The following APBB2 variants were observed in gnomAD, a reference collection of about 807,000 sequenced individuals.
APBB2 encodes amyloid beta precursor protein binding family B member 2, also known as Fe65-like 1.
A neutral mutation model predicts 82.5 loss-of-function variants in APBB2; 38 were observed. The ratio of observed to expected loss-of-function variants is 0.46; its 90% CI spans 0.36 to 0.60. The LOEUF (loss-of-function observed/expected upper bound fraction) is 0.60, where lower values mean the gene tolerates loss of function less well. Ranked by LOEUF, APBB2 falls within the 20% of genes least tolerant of loss-of-function variation. The probability of loss-of-function intolerance (pLI) is 0.00; values close to 1 mark genes in which losing one functional copy is unlikely to be tolerated. For synonymous variants in APBB2, 341 were observed against 368.2 expected, an observed-to-expected ratio of 0.93 and a Z score of 0.85; for missense variants, 772 against 972.3, an observed-to-expected ratio of 0.79 and a Z score of 2.74.
rs1165490812 is a variant in APBB2, at chr4:40,911,511, G to C, written c.1255-18100C>G. Among the ~76,000 whole-genome samples, 3 of 152,136 alleles carry C rather than the reference G, an allele frequency of 2.0e-5. No homozygotes were observed. The East Asian group carries it at 5.8e-4, about 29-fold the overall frequency. On this transcript the variant is annotated intron_variant, in intron 10 of 17. Transcript: ENST00000508593. ...TCATATAAAATATCGATTCAGTCGG[G>C]GGACCTAGAGTCAGGTAACATGTCC...
chr4:40,851,734 ATATATTTTTTTT>A (rs765501671), intron 12 of APBB2, among the ~76,000 whole-genome samples: 47 of 61,018 alleles, frequency 7.7e-4, no homozygotes, highest in South Asian at 1.4e-3. Flanking sequence ...ATATATATAT[ATATATTTTTTTT>A]TTTTTTTTTT....
At chr4:40,975,788 AC>A (rs1361956225) in intron 6 of APBB2, among the ~76,000 whole-genome samples, 22 of 146,698 alleles carry the variant, frequency 1.5e-4, no homozygotes, top group East Asian at 5.8e-4. Context: ...ACACACACAC[AC>A]AACAACCACT....
At chr4:41,195,907 T>C in intron 1 of APBB2, among the ~76,000 whole-genome samples, 2 of 152,170 alleles carry the variant, frequency 1.3e-5, no homozygotes, top group African/African-American at 2.4e-5. Context: ...ATGCCTGTAA[T>C]CCCAGCACTT....
intron 2 of APBB2, among the ~76,000 whole-genome samples, chr4:41,131,398 T>A (rs973327281): frequency 2.0e-5 from 3 of 152,214 alleles, no homozygotes; most frequent in African/African-American, 7.2e-5. Flanking sequence ...ATTTATGATA[T>A]CAACTGACAA....
chr4:40,857,255 C>G, intron 12 of APBB2: 1 of 866,182 alleles, frequency 1.2e-6, no homozygotes, highest in Non-Finnish European at 1.4e-6. Context: ...CCCACCCGGC[C>G]GCACTCCCGT....
intron 6 of APBB2, among the ~76,000 whole-genome samples, chr4:41,009,743 G>T (rs1001341858): frequency 1.3e-5 from 2 of 151,920 alleles, no homozygotes; most frequent in African/African-American, 4.8e-5. Context: ...ATGTACTATG[G>T]CATGGCATAC....
At chr4:41,161,796 G>A (rs1046258196) in intron 1 of APBB2, among the ~76,000 whole-genome samples, 1 of 152,218 alleles carries the variant, frequency 6.6e-6, no homozygotes, top group African/African-American at 2.4e-5. Context: ...AAATTCCAGT[G>A]TAAAGTTCTT....
At chr4:40,958,280 A>C (rs1560384835) in intron 6 of APBB2, among the ~76,000 whole-genome samples, 1 of 152,206 alleles carries the variant, frequency 6.6e-6, no homozygotes, top group Non-Finnish European at 1.5e-5. Context: ...CTTGAGATGA[A>C]GTATAACCTA....
chr4:40,964,458 A>C (rs2154395042), intron 6 of APBB2, among the ~76,000 whole-genome samples: 1 of 148,308 alleles, frequency 6.7e-6, no homozygotes, highest in East Asian at 1.9e-4. Flanking sequence ...TAAACAAATC[A>C]TTTTTTTCCC....
chr4:41,173,785 C>G (rs1311649958), intron 1 of APBB2, among the ~76,000 whole-genome samples: 1 of 152,160 alleles, frequency 6.6e-6, no homozygotes, highest in African/African-American at 2.4e-5. Context: ...GCTATACCAT[C>G]TAGGCTTGTG....
chr4:40,935,398 G>A, intron 7 of APBB2: 4 of 446,652 alleles, frequency 9.0e-6, no homozygotes, highest in Non-Finnish European at 1.6e-5. Context: ...AGCAGACAGT[G>A]AAGTTATTTC....
At chr4:41,182,671 T>C (rs561695221) in intron 1 of APBB2, among the ~76,000 whole-genome samples, 1 of 152,308 alleles carries the variant, frequency 6.6e-6, no homozygotes, top group South Asian at 2.1e-4. Context: ...CAGATCAGCA[T>C]GGCTGGGAGG....
intron 1 of APBB2, among the ~76,000 whole-genome samples, chr4:41,198,840 T>C (rs1775991309): frequency 6.6e-6 from 1 of 152,232 alleles, no homozygotes; most frequent in African/African-American, 2.4e-5. Context: ...CCTTGGTTTG[T>C]GGCAGCACAA....
intron 14 of APBB2, 25 bp downstream of exon 14, chr4:40,827,107 A>C: frequency 1.2e-6 from 2 of 1,608,342 alleles, no homozygotes; most frequent in Non-Finnish European, 1.7e-6. Context: ...GGCCATAATG[A>C]AGACATGAGG....
At chr4:41,150,953 G>C (rs1234319200) in intron 1 of APBB2, among the ~76,000 whole-genome samples, 1 of 152,088 alleles carries the variant, frequency 6.6e-6, no homozygotes, top group Non-Finnish European at 1.5e-5. Context: ...GGCCAGGTTG[G>C]TCTTGAACTC....
chr4:41,080,643 CTACACA>C (rs921765001), intron 3 of APBB2, among the ~76,000 whole-genome samples: 1 of 151,214 alleles, frequency 6.6e-6, no homozygotes, highest in Non-Finnish European at 1.5e-5. Flanking sequence ...AAAAGTCAGG[CTACACA>C]TCACCTTGGG....
At chr4:40,862,582 C>G (rs566802420) in intron 12 of APBB2, among the ~76,000 whole-genome samples, 2 of 152,204 alleles carry the variant, frequency 1.3e-5, no homozygotes, top group Non-Finnish European at 2.9e-5. Flanking sequence ...GGGTCCTAGC[C>G]GGGCACCGCG....
chr4:41,029,331 A>G (rs969020917), intron 5 of APBB2, among the ~76,000 whole-genome samples: 15 of 152,224 alleles, frequency 9.9e-5, no homozygotes, highest in African/African-American at 3.1e-4. Context: ...TCAATGTGAC[A>G]AAAATGATAA....
Position 41,031,332 on chromosome 4 carries a change from A to C in APBB2, c.19+1904T>G, listed in dbSNP as rs560130704. On this transcript the variant is annotated intron_variant, in intron 5 of 17. Transcript: ENST00000508593. ...AGAGTTAGAAAAAGGAGCTGAAGGC[A>C]AACCTTACCCCACTTATTAGTCAAG... Among the ~76,000 whole-genome samples the C allele has an allele frequency of 1.4e-3, 220 of 152,314 alleles. 1 individual carries two copies. The highest frequency in any genetic ancestry group is 5.0e-3 in the African/African-American group (208 of 41,570).
Sources: allele counts gnomAD v4.1 joint callset (sites outside exome capture counted in the v4.1 genomes callset), GRCh38; gene constraint gnomAD v4.1.1; transcripts MANE v1.5; gene names NCBI Gene and HGNC (gene_info 2026-07-23, HGNC 2026-07-21).